Variants in JPH3 observed in about 807,000 individuals in gnomAD.
JPH3 encodes junctophilin-3.
In JPH3, 11 loss-of-function variants were observed where a neutral mutation model predicts 59.6. The observed-to-expected ratio is 0.18, with a 90% confidence interval of 0.12 to 0.31. The LOEUF is 0.31. Ranked by LOEUF, JPH3 falls within the 10% of genes least tolerant of loss-of-function variation. The pLI is 1.00. For missense variants in JPH3, 1,202 were observed against 1,105.7 expected (o/e 1.09, Z -1.24); for synonymous variants, 673 against 483.6 (o/e 1.39, Z -5.14).
intron 2 of JPH3, among the ~76,000 whole-genome samples, chr16:87,664,871 A>G (rs1426231029): frequency 2.6e-5 from 4 of 152,172 alleles, no homozygotes; most frequent in African/African-American, 9.7e-5. Flanking sequence ...CAGAGGCCCA[A>G]GGAAGCGTCA....
intron 4 of JPH3, among the ~76,000 whole-genome samples, chr16:87,693,043 G>C: frequency 6.6e-6 from 1 of 152,228 alleles, no homozygotes; most frequent in East Asian, 1.9e-4. Context: ...CTGCAGGCTG[G>C]CCCGGCCCAA....
chr16:87,678,798 G>A (rs1452805768), intron 2 of JPH3, among the ~76,000 whole-genome samples: 1 of 152,202 alleles, frequency 6.6e-6, no homozygotes, highest in Non-Finnish European at 1.5e-5. Context: ...GCCGGAGAAG[G>A]CCACATGAGG....
chr16:87,621,095 G>T (rs1372924867), intron 1 of JPH3, among the ~76,000 whole-genome samples: 1 of 152,234 alleles, frequency 6.6e-6, no homozygotes, highest in Non-Finnish European at 1.5e-5. Context: ...GGAGGCGGAG[G>T]TTGCAGTGAG....
In JPH3 at chr16:87,611,024, G is replaced by A. The variant is rs749038197; in HGVS notation, c.382+7496G>A. On this transcript the variant is annotated intron_variant, in intron 1 of 4. Coordinates refer to ENST00000284262, the MANE Select transcript of JPH3 (RefSeq NM_020655.4). This position sits in a 1 kb window ranked among gnomAD's most constrained non-coding sequence, Gnocchi z 4.5. ...CAAGGCACAAAGACAGAAAAGCTCA[G>A]GTCCAACCTCAGTGAATCAGCCTTA... Among the ~76,000 whole-genome samples the A allele has an allele frequency of 2.2e-4, 34 of 152,194 alleles. No homozygotes were observed. The highest frequency in any genetic ancestry group is 4.1e-4 in the Non-Finnish European group (28 of 68,046).
intron 1 of JPH3, among the ~76,000 whole-genome samples, chr16:87,615,920 G>A (rs1019649910): frequency 2.0e-5 from 3 of 152,194 alleles, no homozygotes; most frequent in Non-Finnish European, 4.4e-5. Context: ...GTCAATGAGT[G>A]GTCAATCAGG....
chr16:87,664,356 C>A (rs9941343), intron 2 of JPH3, among the ~76,000 whole-genome samples: 36,251 of 145,150 alleles, frequency 0.25, 6,496 homozygotes, highest in African/African-American at 0.51. Context: ...TCATATGGCC[C>A]GTCAGGCGCG....
At chr16:87,642,072 A>G (rs1233047985) in intron 1 of JPH3, among the ~76,000 whole-genome samples, 1 of 152,162 alleles carries the variant, frequency 6.6e-6, no homozygotes, top group Non-Finnish European at 1.5e-5. Context: ...CCTTGGACAG[A>G]AAAGCCTGGA....
chr16:87,658,815 G>A (rs1274708047), intron 2 of JPH3, among the ~76,000 whole-genome samples: 1 of 152,270 alleles, frequency 6.6e-6, no homozygotes, highest in Admixed American at 6.5e-5. Context: ...ATTGGGGCTT[G>A]CTGTGGGGCT....
intron 2 of JPH3, among the ~76,000 whole-genome samples, chr16:87,649,775 C>T (rs1418587303): frequency 1.0e-5 from 1 of 99,346 alleles, no homozygotes; most frequent in African/African-American, 3.6e-5. Context: ...GCTCAGAACC[C>T]CAGGGTGAAG....
chr16:87,645,138 A>C (rs2032103397), intron 2 of JPH3, 103 bp downstream of exon 2: 4 of 1,198,428 alleles, frequency 3.3e-6, no homozygotes, highest in South Asian at 1.5e-5. Flanking sequence ...GGCTAGGCCC[A>C]GTTTGAGGCC....
At chr16:87,696,507 G>A in intron 4 of JPH3, 73 bp from the exon 5 acceptor site, 17 of 1,244,778 alleles carry the variant, frequency 1.4e-5, no homozygotes, top group Non-Finnish European at 2.0e-5. Flanking sequence ...GAAAAGACGT[G>A]GGTGGGAGGC....
chr16:87,673,943 A>G (rs2033080258), intron 2 of JPH3, among the ~76,000 whole-genome samples: 1 of 151,640 alleles, frequency 6.6e-6, no homozygotes, highest in Non-Finnish European at 1.5e-5. Context: ...TAAAATATAA[A>G]TAAATAATTT....
intron 2 of JPH3, among the ~76,000 whole-genome samples, chr16:87,663,544 G>T (rs1040484264): frequency 3.3e-5 from 5 of 152,202 alleles, no homozygotes; most frequent in African/African-American, 1.2e-4. Flanking sequence ...TCCTTTGTGA[G>T]ATTTCACCCA....
chr16:87,686,455 A>G lies in JPH3; in HGVS notation c.1285+2189A>G, dbSNP rs146135233. Among the ~76,000 whole-genome samples, 57 of 112,954 alleles carry G rather than the reference A, an allele frequency of 5.0e-4. 3 individuals are homozygous for G. The East Asian group carries it at 0.012, about 24-fold the overall frequency. 74.1% of individuals were successfully genotyped at this position (112,954 alleles called of 152,430 possible). A position where few individuals can be genotyped will look rare whatever the true frequency, so the allele number is the denominator to read the frequency against. ...TCTGGATTCAGAGGAGATGCTTCCC[A>G]GAGGGCTCAGTCCTGGAGTCAGAGA... On this transcript the variant is annotated intron_variant, in intron 3 of 4. Transcript: ENST00000284262.
At chr16:87,636,774 C>G (rs1266296842) in intron 1 of JPH3, among the ~76,000 whole-genome samples, 3 of 152,264 alleles carry the variant, frequency 2.0e-5, no homozygotes, top group Non-Finnish European at 4.4e-5. Flanking sequence ...CCTCATTACA[C>G]TGTGCCGGGA....
At chr16:87,670,442 A>T (rs868640707) in intron 2 of JPH3, among the ~76,000 whole-genome samples, 1 of 152,278 alleles carries the variant, frequency 6.6e-6, no homozygotes, top group South Asian at 2.1e-4. Flanking sequence ...TATTCTATCA[A>T]TGGCACTGCA....
chr16:87,664,083 G>C, intron 2 of JPH3, among the ~76,000 whole-genome samples: 1 of 150,126 alleles, frequency 6.7e-6, no homozygotes, highest in East Asian at 2.0e-4. Context: ...TGTAATCCCA[G>C]CACTTTGGGA....
intron 1 of JPH3, among the ~76,000 whole-genome samples, chr16:87,613,402 C>T (rs1201655884): frequency 6.6e-6 from 1 of 151,596 alleles, no homozygotes; most frequent in Non-Finnish European, 1.5e-5. Flanking sequence ...CTCACTGCAG[C>T]CTCTGCTTCC....
rs879807530 is a variant in JPH3 at position 87,659,149 on chromosome 16, G to A, written c.1160+14114G>A. On this transcript the variant is annotated intron_variant, in intron 2 of 4. Coordinates refer to ENST00000284262, the MANE Select transcript of JPH3 (RefSeq NM_020655.4). ...AGCCCTTTGGGAGGCCAAAGCAGGC[G>A]GATCACTTGAGGTCAGGAGTTAGAG... Among the ~76,000 whole-genome samples, 66 of 152,078 alleles carry A rather than the reference G, an allele frequency of 4.3e-4. 1 individual carries two copies. The highest frequency in any genetic ancestry group is 1.5e-3 in the African/African-American group (62 of 41,474).
Sources: allele counts gnomAD v4.1 joint callset (sites outside exome capture counted in the v4.1 genomes callset), GRCh38; gene constraint gnomAD v4.1.1; non-coding constraint Gnocchi (gnomAD v3.1); transcripts MANE v1.5; gene names NCBI Gene and HGNC (gene_info 2026-07-23, HGNC 2026-07-21).